E2F3: variants seen among roughly 807,000 people sequenced by gnomAD.
The protein encoded by E2F3 is E2F transcription factor 3.
E2F3 carries 11 observed loss-of-function variants against 44.4 expected under a neutral mutation model. That is an observed-to-expected ratio of 0.25 (90% CI 0.16 to 0.41). The LOEUF (loss-of-function observed/expected upper bound fraction) is 0.41. Among genes scored for constraint, E2F3 ranks in the 10% least tolerant of loss-of-function variants. E2F3 has a pLI of 1.00. For synonymous variants in E2F3, 249 were observed against 253.0 expected, an observed-to-expected ratio of 0.98 and a Z score of 0.15; for missense variants, 487 against 583.6, an observed-to-expected ratio of 0.83 and a Z score of 1.70.
intron 1 of E2F3, among the ~76,000 whole-genome samples, chr6:20,475,793 C>T (rs796096196): frequency 7.2e-5 from 11 of 152,260 alleles, no homozygotes; most frequent in African/African-American, 2.6e-4. Context: ...GTGCCCAGCC[C>T]ATTTGTTGAC....
intron 1 of E2F3, among the ~76,000 whole-genome samples, chr6:20,428,286 C>T (rs1001293766): frequency 7.9e-5 from 12 of 151,972 alleles, no homozygotes; most frequent in Admixed American, 6.6e-5. Flanking sequence ...TGCAATGGTG[C>T]GATCTTGGCT....
Position 20,490,299 on chromosome 6 carries a change from G to A in E2F3, c.1267G>A (p.Val423Met), listed in dbSNP as rs760790308. ...TCCTTCCAACCTAGAAGGACCGTTT[G>A]TGAACTTACTGCCTCCCCTGCTGCA... ...QIPSNLEGPF[V>M]NLLPPLLQED... The change falls in exon 7 of 7, where the codon GTG becomes ATG. Residue 423 changes from valine (V) to methionine (M), a missense_variant. Physicochemically the swap from Val to Met is conservative, Grantham distance 21 (BLOSUM62 1). Transcript: ENST00000346618. This position sits in a 1 kb window ranked among gnomAD's most constrained non-coding sequence, Gnocchi z 4.3. The A allele has an allele frequency of 5.9e-5, 96 of 1,614,042 alleles. No individual in the cohort carries two copies. Among genetic ancestry groups the A allele is most frequent in the Non-Finnish European group, 7.7e-5 (91 of 1,180,028 alleles).
At chr6:20,437,475 A>C (rs1228650603) in intron 1 of E2F3, among the ~76,000 whole-genome samples, 1 of 151,642 alleles carries the variant, frequency 6.6e-6, no homozygotes, top group Admixed American at 6.6e-5. Flanking sequence ...ACATTAAAGA[A>C]TTGTCTTTTT....
At position 20,487,712 on chromosome 6, in the gene E2F3, A is replaced by G. The variant is rs1762434425; in HGVS notation, c.1000-401A>G. Among the ~76,000 whole-genome samples, 5 of 152,176 alleles carry G rather than the reference A, an allele frequency of 3.3e-5. No individual in the cohort carries two copies. The East Asian group carries it at 9.6e-4, about 29-fold the overall frequency. On this transcript the variant is annotated intron_variant, in intron 5 of 6. Coordinates refer to ENST00000346618, the MANE Select transcript of E2F3 (RefSeq NM_001949.5). ...CCCACTAAAATAGTTTTCTTTCTCT[A>G]GGGCAGGACTCAGCAAACTTTTTCA...
intron 1 of E2F3, among the ~76,000 whole-genome samples, chr6:20,455,999 T>A (rs971487697): frequency 6.6e-6 from 1 of 152,144 alleles, no homozygotes; most frequent in Non-Finnish European, 1.5e-5. Flanking sequence ...ATTCTTCCAT[T>A]TTTGCTTAGA....
At chr6:20,450,704 C>A (rs1761101078) in intron 1 of E2F3, among the ~76,000 whole-genome samples, 1 of 152,122 alleles carries the variant, frequency 6.6e-6, no homozygotes. Flanking sequence ...TTTGCCCGTT[C>A]CTGTTTTCAG....
intron 1 of E2F3, among the ~76,000 whole-genome samples, chr6:20,423,531 C>T (rs1760097659): frequency 6.6e-6 from 1 of 152,168 alleles, no homozygotes; most frequent in African/African-American, 2.4e-5. Flanking sequence ...AGTGCAATGG[C>T]ACGATCTCGG....
At chr6:20,439,365 T>C (rs1760696745) in intron 1 of E2F3, among the ~76,000 whole-genome samples, 2 of 152,230 alleles carry the variant, frequency 1.3e-5, no homozygotes, top group African/African-American at 4.8e-5. Flanking sequence ...AGCGAGCTGC[T>C]CTTTAGGGAG....
At chr6:20,462,220 G>A (rs1438166576) in intron 1 of E2F3, among the ~76,000 whole-genome samples, 16 of 152,076 alleles carry the variant, frequency 1.1e-4, no homozygotes, top group Admixed American at 8.5e-4. Flanking sequence ...CTGCCCTCCC[G>A]TGCAGTCTCT....
chr6:20,429,475 T>C (rs967627019), intron 1 of E2F3, among the ~76,000 whole-genome samples: 1 of 152,070 alleles, frequency 6.6e-6, no homozygotes, highest in South Asian at 2.1e-4. Flanking sequence ...CCTTACTGTA[T>C]AGGAAAAAAC....
chr6:20,422,586 A>G (rs1346398399), intron 1 of E2F3, among the ~76,000 whole-genome samples: 2 of 152,166 alleles, frequency 1.3e-5, no homozygotes, highest in East Asian at 1.9e-4. Flanking sequence ...CTAGCTTTTG[A>G]TTTAGAGGGA....
chr6:20,483,001 G>C, intron 4 of E2F3, 81 bp downstream of exon 4: 1 of 1,591,460 alleles, frequency 6.3e-7, no homozygotes, highest in Non-Finnish European at 8.6e-7. Context: ...TTATGCACAA[G>C]GTAGATTATT....
chr6:20,432,240 TC>T (rs1263052045), intron 1 of E2F3, among the ~76,000 whole-genome samples: 2 of 152,128 alleles, frequency 1.3e-5, no homozygotes, highest in Non-Finnish European at 2.9e-5. Context: ...TTCAAAAAAC[TC>T]TTCCATCTTG....
intron 1 of E2F3, among the ~76,000 whole-genome samples, chr6:20,472,150 G>T (rs938034781): frequency 3.6e-5 from 3 of 83,850 alleles, no homozygotes; most frequent in African/African-American, 9.8e-5. Flanking sequence ...TTTATTCCTT[G>T]GTTCATTCAA....
At chr6:20,479,508 GGCGCCTGT>G (rs1483525078) in intron 1 of E2F3, among the ~76,000 whole-genome samples, 1 of 152,216 alleles carries the variant, frequency 6.6e-6, no homozygotes, top group Non-Finnish European at 1.5e-5. Context: ...TAAGCCCCAC[GGCGCCTGT>G]GATATTCTTA....
chr6:20,431,128 G>C (rs1031828948), intron 1 of E2F3, among the ~76,000 whole-genome samples: 1 of 152,098 alleles, frequency 6.6e-6, no homozygotes, highest in African/African-American at 2.4e-5. Context: ...TGCTGAAAAT[G>C]AGCATGCCGG....
intron 1 of E2F3, chr6:20,445,232 G>A: frequency 1.2e-6 from 1 of 802,264 alleles, no homozygotes; most frequent in Non-Finnish European, 1.5e-6. Context: ...AAATTAGAAT[G>A]TGTATATTTT....
At chr6:20,484,167 A>G (rs184865887) in intron 4 of E2F3, among the ~76,000 whole-genome samples, 227 of 152,318 alleles carry the variant, frequency 1.5e-3, no homozygotes, top group African/African-American at 5.2e-3. Flanking sequence ...ATTGTCACCT[A>G]TATTAGCTCT....
intron 4 of E2F3, among the ~76,000 whole-genome samples, chr6:20,486,049 G>A (rs1762381447): frequency 6.6e-6 from 1 of 152,126 alleles, no homozygotes; most frequent in African/African-American, 2.4e-5. Flanking sequence ...TGCCTGTGCT[G>A]CAAAGGACCC....
Sources: allele counts gnomAD v4.1 joint callset (sites outside exome capture counted in the v4.1 genomes callset), GRCh38; gene constraint gnomAD v4.1.1; non-coding constraint Gnocchi (gnomAD v3.1); transcripts MANE v1.5; gene names NCBI Gene and HGNC (gene_info 2026-07-23, HGNC 2026-07-21).